Variants in SNUPN observed in about 807,000 individuals in gnomAD.
SNUPN encodes the protein snurportin-1.
A neutral mutation model predicts 39.2 loss-of-function variants in SNUPN; 31 were observed. That is an observed-to-expected ratio of 0.79 (90% CI 0.59 to 1.07). The LOEUF is 1.07. SNUPN is among the 50% of genes least tolerant of loss of function. SNUPN has a pLI of 0.00. For synonymous variants in SNUPN, 132 were observed against 159.0 expected, an observed-to-expected ratio of 0.83 and a Z score of 1.28; for missense variants, 382 against 434.2, an observed-to-expected ratio of 0.88 and a Z score of 1.07.
rs1893051370 is a variant in SNUPN at position 75,620,885 on chromosome 15, C to T, written c.158+9G>A. 2.5e-6 allele frequency: 4 copies of T among 1,611,888 alleles called. No homozygotes were observed. Among genetic ancestry groups the T allele is most frequent in the Middle Eastern group, 1.7e-4 (1 of 5,996 alleles). ...AGAGAAAGAAGACAAGGAGTTAAAG[C>T]TTCCTTACGATTTCTGCAGTTCCAG... On this transcript the variant is annotated intron_variant, in intron 2 of 8. Coordinates refer to ENST00000308588, the MANE Select transcript of SNUPN (RefSeq NM_005701.4).
In SNUPN at chr15:75,598,513, T is replaced by TA. The variant is rs2075259758; in HGVS notation, c.927dup (p.Met310TyrfsTer21). 1.2e-6 allele frequency: 2 copies of TA among 1,614,210 alleles called. No homozygotes were observed. The highest frequency in any genetic ancestry group is 4.5e-5 in the East Asian group (2 of 44,882). On this transcript the variant is annotated frameshift_variant, in exon 9 of 9. Coordinates refer to ENST00000308588, the MANE Select transcript of SNUPN (RefSeq NM_005701.4). LOFTEE classifies it low-confidence loss of function (END_TRUNC). ...TCCTTCTGGCTCTTCTTGTGCTCCA[T>TA]AATCTGCTGGAGCTGGTGCCCAGCA...
intron 1 of SNUPN, among the ~76,000 whole-genome samples, chr15:75,623,729 G>A (rs1893136989): frequency 6.6e-6 from 1 of 152,094 alleles, no homozygotes; most frequent in Non-Finnish European, 1.5e-5. Context: ...ACAAGCATGA[G>A]CCACTGCACC....
chr15:75,615,733 C>T (rs1892911821), intron 3 of SNUPN, among the ~76,000 whole-genome samples: 1 of 150,944 alleles, frequency 6.6e-6, no homozygotes, highest in Non-Finnish European at 1.5e-5. Flanking sequence ...TCCCAAGTAG[C>T]TGGGACTACA....
At position 75,601,118 on chromosome 15, in the gene SNUPN, A is replaced by G. The variant is rs1363653092; in HGVS notation, c.759+20T>C. ...CAGCCTATCATCATGTCAAGGCAAT[A>G]AAGACAATGGTTTCGTTACCTCAAA... is the stretch of plus-strand genomic sequence containing the variant. On this transcript the variant is annotated intron_variant, in intron 8 of 8. Transcript: ENST00000308588. 1 of 1,571,018 alleles carries G rather than the reference A, an allele frequency of 6.4e-7. No individual in the cohort carries two copies. Among genetic ancestry groups the G allele is most frequent in the South Asian group, 1.1e-5 (1 of 90,148 alleles).
At chr15:75,611,173 A>G (rs76791480) in intron 3 of SNUPN, among the ~76,000 whole-genome samples, 4 of 143,944 alleles carry the variant, frequency 2.8e-5, no homozygotes, top group African/African-American at 7.6e-5. Flanking sequence ...TCTCAAAAAG[A>G]AAAAAAAAAA....
Position 75,601,192 on chromosome 15 carries a change from GA to G in SNUPN, c.704del (p.Phe235SerfsTer20), listed in dbSNP as rs2075283522. 1 of 1,613,486 alleles carries G rather than the reference GA, an allele frequency of 6.2e-7. No homozygotes were observed. Among genetic ancestry groups the G allele is most frequent in the African/African-American group, 1.3e-5 (1 of 74,916 alleles). On this transcript the variant is annotated frameshift_variant, in exon 8 of 9. Transcript: ENST00000308588. LOFTEE classifies it high-confidence loss of function. Reference sequence around the variant, plus strand: ...CACACAGGCTTTCGGGAGTGCAAGGGAAGTTCTTTAGCCCCACAAATTTAAA... The same window carrying G: ...CACACAGGCTTTCGGGAGTGCAAGGGAGTTCTTTAGCCCCACAAATTTAAA... Reference protein sequence around the residue: ...NPFKFVGLKNFPCTPESLCDV... With the variant: ...NPFKFVGLKNXPCTPESLCDV...
chr15:75,609,829 A>G, intron 4 of SNUPN, 61 bp downstream of exon 4: 2 of 1,376,306 alleles, frequency 1.5e-6, no homozygotes, highest in Admixed American at 1.7e-5. Flanking sequence ...AAAATGGAGC[A>G]CAAAGAATCC....
chr15:75,618,130 C>A (rs1356262108), intron 2 of SNUPN, among the ~76,000 whole-genome samples: 2 of 152,126 alleles, frequency 1.3e-5, no homozygotes, highest in Non-Finnish European at 2.9e-5. Context: ...TTCCAAGGTT[C>A]ACTAGATGGA....
chr15:75,621,665 T>C (rs1013785286), intron 1 of SNUPN, among the ~76,000 whole-genome samples: 6 of 152,150 alleles, frequency 3.9e-5, no homozygotes, highest in African/African-American at 1.4e-4. Context: ...CTCAACTAAG[T>C]GCCAACTCAT....
intron 7 of SNUPN, among the ~76,000 whole-genome samples, chr15:75,604,381 C>T (rs2075315310): frequency 1.3e-5 from 2 of 151,998 alleles, no homozygotes; most frequent in Non-Finnish European, 2.9e-5. Flanking sequence ...AGGCTGGTCT[C>T]GAATTCCTGA....
chr15:75,619,745 T>A (rs947105907), intron 2 of SNUPN, among the ~76,000 whole-genome samples: 29 of 151,752 alleles, frequency 1.9e-4, no homozygotes, highest in African/African-American at 4.1e-4. Flanking sequence ...CTTCTATTTA[T>A]TTTATTTATT....
intron 5 of SNUPN, 117 bp from the exon 6 acceptor site, chr15:75,607,430 G>C: frequency 2.9e-6 from 2 of 696,216 alleles, no homozygotes; most frequent in Non-Finnish European, 5.3e-6. Context: ...AGTGCTTGCA[G>C]CAGTCACTGG....
At chr15:75,624,497 A>C (rs1404984022) in intron 1 of SNUPN, among the ~76,000 whole-genome samples, 33 of 24,532 alleles carry the variant, frequency 1.3e-3, no homozygotes, top group Non-Finnish European at 1.6e-3. Context: ...CGTCTCTACT[A>C]AAAAAAAAAA....
chr15:75,605,097 C>T, intron 7 of SNUPN, 53 bp downstream of exon 7: 4 of 1,104,486 alleles, frequency 3.6e-6, no homozygotes, highest in Non-Finnish European at 5.5e-6. Flanking sequence ...GATAACAGAC[C>T]AATCCACACT....
At chr15:75,615,626 G>C (rs543076313) in intron 3 of SNUPN, among the ~76,000 whole-genome samples, 2 of 133,482 alleles carry the variant, frequency 1.5e-5, no homozygotes, top group South Asian at 4.6e-4. Context: ...TTTTGAGACG[G>C]AGTCTCGCTC....
intron 3 of SNUPN, among the ~76,000 whole-genome samples, chr15:75,613,328 T>C (rs1314989668): frequency 1.4e-5 from 2 of 143,038 alleles, no homozygotes; most frequent in Non-Finnish European, 3.0e-5. Context: ...GATATACAAA[T>C]GACCAATACG....
rs760393627 is a variant in SNUPN, at chr15:75,601,237, C to G, written c.679-19G>C. 5.2e-6 allele frequency: 8 copies of G among 1,549,178 alleles called. No individual in the cohort carries two copies. In the South Asian group the frequency reaches 6.7e-5, roughly 13 times the overall value. ...ATTTAAACTGAAATAGAAATTAGAA[C>G]AAGGAATTAGTACGTTATAAATGAT... is the stretch of plus-strand genomic sequence containing the variant. On this transcript the variant is annotated intron_variant, in intron 7 of 8. Transcript: ENST00000308588.
At chr15:75,610,976 T>C (rs1892763817) in intron 3 of SNUPN, among the ~76,000 whole-genome samples, 1 of 152,028 alleles carries the variant, frequency 6.6e-6, no homozygotes. Context: ...GAGACCATCC[T>C]GGCCAACATG....
chr15:75,623,448 CTTTT>C (rs36102472), intron 1 of SNUPN, among the ~76,000 whole-genome samples: 1 of 140,852 alleles, frequency 7.1e-6, no homozygotes. Flanking sequence ...CACGCCCGGC[CTTTT>C]TTTTTTTTTT....
Sources: allele counts gnomAD v4.1 joint callset (sites outside exome capture counted in the v4.1 genomes callset), GRCh38; gene constraint gnomAD v4.1.1; transcripts MANE v1.5; gene names NCBI Gene and HGNC (gene_info 2026-07-23, HGNC 2026-07-21).